The following ARHGAP15 variants were observed in gnomAD, a reference collection of about 807,000 sequenced individuals.
The protein encoded by ARHGAP15 is rho GTPase-activating protein 15.
A neutral mutation model predicts 63.7 loss-of-function variants in ARHGAP15; 51 were observed. That is an observed-to-expected ratio of 0.80 (90% CI 0.64 to 1.01). The LOEUF (loss-of-function observed/expected upper bound fraction) is 1.01. Among genes scored for constraint, ARHGAP15 ranks in the 50% least tolerant of loss-of-function variants. The pLI is 0.00. For missense variants in ARHGAP15, 560 were observed against 564.6 expected (o/e 0.99, Z 0.08); for synonymous variants, 191 against 193.8 (o/e 0.99, Z 0.12).
intron 6 of ARHGAP15, among the ~76,000 whole-genome samples, chr2:143,357,824 G>T (rs995634899): frequency 1.3e-5 from 2 of 152,080 alleles, no homozygotes; most frequent in African/African-American, 4.8e-5. Flanking sequence ...GCATAAACTA[G>T]GGAAAAACAT....
chr2:143,158,889 G>T (rs541000077), intron 2 of ARHGAP15, among the ~76,000 whole-genome samples: 1 of 151,936 alleles, frequency 6.6e-6, no homozygotes, highest in East Asian at 1.9e-4. Flanking sequence ...TATTGCAAAA[G>T]GTTTAATGTG....
chr2:143,586,570 G>A (rs1229620043), intron 11 of ARHGAP15, among the ~76,000 whole-genome samples: 2 of 151,776 alleles, frequency 1.3e-5, no homozygotes, highest in East Asian at 1.9e-4. Flanking sequence ...GACATTTATA[G>A]GGATTTGTTA....
intron 6 of ARHGAP15, among the ~76,000 whole-genome samples, chr2:143,335,912 C>T (rs1318101714): frequency 6.6e-6 from 1 of 152,136 alleles, no homozygotes; most frequent in East Asian, 1.9e-4. Context: ...TGGTATGTTT[C>T]ATGATTCCAA....
chr2:143,421,384 C>G (rs2890713), intron 6 of ARHGAP15, among the ~76,000 whole-genome samples: 135,107 of 151,930 alleles, frequency 0.89, 60,448 homozygotes, highest in Middle Eastern at 0.97. Context: ...TATTTTGAAG[C>G]ATCTTATAAA....
At chr2:143,484,327 C>T (rs189679904) in intron 8 of ARHGAP15, among the ~76,000 whole-genome samples, 1 of 147,382 alleles carries the variant, frequency 6.8e-6, no homozygotes, top group East Asian at 2.0e-4. Context: ...GATCGCACCA[C>T]TGCACTCCAG....
intron 11 of ARHGAP15, among the ~76,000 whole-genome samples, chr2:143,591,668 T>C (rs1490754163): frequency 1.3e-5 from 2 of 151,248 alleles, no homozygotes; most frequent in African/African-American, 4.8e-5. Flanking sequence ...TCCCCCAGGC[T>C]GGAGTGCAAT....
chr2:143,281,317 T>C (rs962995623), intron 6 of ARHGAP15, among the ~76,000 whole-genome samples: 4 of 152,156 alleles, frequency 2.6e-5, no homozygotes, highest in Non-Finnish European at 5.9e-5. Context: ...CAAGACACCA[T>C]TAGGCTACTT....
intron 6 of ARHGAP15, among the ~76,000 whole-genome samples, chr2:143,281,108 C>G (rs962821005): frequency 1.3e-5 from 2 of 152,044 alleles, no homozygotes; most frequent in African/African-American, 4.8e-5. Context: ...AACAAAGATT[C>G]CAGTCACTTT....
intron 11 of ARHGAP15, among the ~76,000 whole-genome samples, chr2:143,595,493 T>C (rs1449121380): frequency 1.3e-5 from 2 of 152,106 alleles, no homozygotes; most frequent in African/African-American, 2.4e-5. Context: ...CGCTTACACA[T>C]TTGTCATTAT....
intron 6 of ARHGAP15, among the ~76,000 whole-genome samples, chr2:143,372,035 TAAATA>T (rs1312174744): frequency 6.6e-6 from 1 of 151,168 alleles, no homozygotes; most frequent in East Asian, 1.9e-4. Flanking sequence ...AATAAATAAA[TAAATA>T]AATAAATAGG....
intron 6 of ARHGAP15, among the ~76,000 whole-genome samples, chr2:143,300,394 G>A (rs951404250): frequency 6.6e-6 from 1 of 152,080 alleles, no homozygotes. Flanking sequence ...TTTTACATAT[G>A]GTTTCAAGTT....
At chr2:143,251,748 A>G (rs909192653) in intron 6 of ARHGAP15, among the ~76,000 whole-genome samples, 1 of 151,984 alleles carries the variant, frequency 6.6e-6, no homozygotes, top group Non-Finnish European at 1.5e-5. Flanking sequence ...AATAAAAGGG[A>G]GAGAGAAAAG....
chr2:143,540,995 C>T lies in ARHGAP15; in HGVS notation c.926-15413C>T, dbSNP rs151075003. On this transcript the variant is annotated intron_variant, in intron 10 of 13. Coordinates refer to ENST00000295095, the MANE Select transcript of ARHGAP15 (RefSeq NM_018460.4). ...GTTTTCCAACTTGGTTCCATTTTCCCGCTCACTTTCAGGTACACCTATCAA... is the reference window on the plus strand; with the variant it reads ...GTTTTCCAACTTGGTTCCATTTTCCTGCTCACTTTCAGGTACACCTATCAA... Among the ~76,000 whole-genome samples the T allele has an allele frequency of 1.5e-3, 229 of 152,278 alleles. 2 individuals are homozygous for T. The highest frequency in any genetic ancestry group is 5.0e-3 in the African/African-American group (207 of 41,554).
intron 6 of ARHGAP15, among the ~76,000 whole-genome samples, chr2:143,383,845 T>C (rs1211191159): frequency 6.6e-6 from 1 of 152,180 alleles, no homozygotes; most frequent in Non-Finnish European, 1.5e-5. Flanking sequence ...CAAGTCACAT[T>C]GGACAAATCT....
intron 6 of ARHGAP15, among the ~76,000 whole-genome samples, chr2:143,355,764 G>A (rs1217560273): frequency 6.6e-6 from 1 of 152,018 alleles, no homozygotes; most frequent in Non-Finnish European, 1.5e-5. Context: ...TATTATGTTT[G>A]GTTATGGGCA....
chr2:143,191,159 T>C (rs1345554220), intron 2 of ARHGAP15, among the ~76,000 whole-genome samples: 1 of 152,198 alleles, frequency 6.6e-6, no homozygotes. Context: ...AAACCCCAAG[T>C]ATTATATATG....
chr2:143,589,877 T>G (rs1327489508), intron 11 of ARHGAP15, among the ~76,000 whole-genome samples: 1 of 152,144 alleles, frequency 6.6e-6, no homozygotes, highest in Non-Finnish European at 1.5e-5. Context: ...ATAGGTGAAA[T>G]GTATTTTTTC....
intron 12 of ARHGAP15, among the ~76,000 whole-genome samples, chr2:143,685,916 G>A (rs147124581): frequency 2.0e-5 from 3 of 151,976 alleles, no homozygotes; most frequent in East Asian, 1.9e-4. Flanking sequence ...TCTTCAAATC[G>A]AAATCTCTCT....
intron 12 of ARHGAP15, among the ~76,000 whole-genome samples, chr2:143,657,212 C>T (rs1242194477): frequency 3.3e-5 from 5 of 151,992 alleles, no homozygotes; most frequent in Non-Finnish European, 5.9e-5. Context: ...CCGGGCGTTG[C>T]GGCTGGCGCT....
Sources: allele counts gnomAD v4.1 joint callset (sites outside exome capture counted in the v4.1 genomes callset), GRCh38; gene constraint gnomAD v4.1.1; transcripts MANE v1.5; gene names NCBI Gene and HGNC (gene_info 2026-07-23, HGNC 2026-07-21).